Variants in UHRF1 observed in about 807,000 individuals in gnomAD.
UHRF1 encodes the protein E3 ubiquitin-protein ligase UHRF1.
A neutral mutation model predicts 96.5 loss-of-function variants in UHRF1; 9 were observed. The observed-to-expected ratio is 0.09, with a 90% CI of 0.06 to 0.16. The LOEUF is 0.16. UHRF1 is among the 10% of genes least tolerant of loss of function. UHRF1 has a pLI of 1.00. For missense variants in UHRF1, 626 were observed against 1,131.1 expected, an observed-to-expected ratio of 0.55 and a Z score of 6.40; for synonymous variants, 455 against 469.9, an observed-to-expected ratio of 0.97 and a Z score of 0.41.
intron 2 of UHRF1, among the ~76,000 whole-genome samples, chr19:4,915,355 CG>C (rs2032453257): frequency 6.6e-6 from 1 of 152,146 alleles, no homozygotes; most frequent in Non-Finnish European, 1.5e-5. Context: ...GTTGTGGCCC[CG>C]AAGCAGCTGT....
At chr19:4,959,287 G>A (rs1039098871) in intron 16 of UHRF1, among the ~76,000 whole-genome samples, 14 of 151,102 alleles carry the variant, frequency 9.3e-5, no homozygotes, top group African/African-American at 3.4e-4. Flanking sequence ...CCAAGATCAC[G>A]CCACTGCACT....
intron 2 of UHRF1, among the ~76,000 whole-genome samples, chr19:4,924,834 T>TTGTTTTTTTG (rs1271349714): frequency 1.3e-5 from 2 of 150,976 alleles, no homozygotes; most frequent in African/African-American, 4.9e-5. Context: ...AAGTTTTTTT[T>TTGTTTTTTTG]TTTTTTTTTT....
chr19:4,940,603 T>G (rs1429068950), intron 5 of UHRF1, among the ~76,000 whole-genome samples: 1 of 151,632 alleles, frequency 6.6e-6, no homozygotes, highest in Non-Finnish European at 1.5e-5. Flanking sequence ...CTGACCCTCG[T>G]GATCCACCCA....
At chr19:4,931,065 G>GC (rs1037048241) in intron 4 of UHRF1, among the ~76,000 whole-genome samples, 189 bp downstream of exon 4, 1 of 152,172 alleles carries the variant, frequency 6.6e-6, no homozygotes, top group South Asian at 2.1e-4. Flanking sequence ...GAAGCCGGCT[G>GC]CCCCCTCCTG....
Position 4,950,504 on chromosome 19 carries a change from A to C in UHRF1, c.1518-107A>C, listed in dbSNP as rs553731990. 1.1e-3 allele frequency: 1,384 copies of C among 1,266,502 alleles called. 2 individuals carry two copies. Among genetic ancestry groups the C allele is most frequent in the Non-Finnish European group, 1.2e-3 (1,130 of 930,494 alleles). 78.5% of individuals were successfully genotyped at this position (1,266,502 alleles called of 1,614,324 possible). Reference sequence around the variant, plus strand: ...GGCGATCTGCCTACTTCAGCCTCCCAAAGTGCTGGGATTACAGGCCTGAGC... The same window carrying C: ...GGCGATCTGCCTACTTCAGCCTCCCCAAGTGCTGGGATTACAGGCCTGAGC... On this transcript the variant is annotated intron_variant, in intron 11 of 16. Transcript: ENST00000650932.
intron 16 of UHRF1, among the ~76,000 whole-genome samples, chr19:4,958,131 G>C (rs540014498): frequency 6.6e-5 from 10 of 152,136 alleles, no homozygotes; most frequent in African/African-American, 2.2e-4. Flanking sequence ...CTGCCTCCTC[G>C]GGCCCCACCT....
At chr19:4,928,543 C>T (rs755388910) in intron 2 of UHRF1, among the ~76,000 whole-genome samples, 1 of 152,180 alleles carries the variant, frequency 6.6e-6, no homozygotes, top group African/African-American at 2.4e-5. Context: ...AGGATAAAAG[C>T]GCACAAAGGG....
At chr19:4,928,094 G>A (rs565400280) in intron 2 of UHRF1, among the ~76,000 whole-genome samples, 1 of 152,060 alleles carries the variant, frequency 6.6e-6, no homozygotes, top group South Asian at 2.1e-4. Context: ...CTCACCCAGG[G>A]TGACTTCACA....
intron 2 of UHRF1, among the ~76,000 whole-genome samples, chr19:4,918,728 T>TA: frequency 6.7e-6 from 1 of 148,628 alleles, no homozygotes; most frequent in East Asian, 2.0e-4. Context: ...TTTTTTTTTT[T>TA]TTTTTTTTTT....
intron 5 of UHRF1, among the ~76,000 whole-genome samples, chr19:4,938,068 C>T (rs555568104): frequency 1.3e-5 from 2 of 151,520 alleles, no homozygotes; most frequent in African/African-American, 2.4e-5. Context: ...GCAGGAGAAT[C>T]GTTTGAACCT....
rs71170880 is a variant in UHRF1, at chr19:4,938,730, G to GTTTTTTTTTTT, written c.786-2777_786-2767dup. ...GGCATAAGAGTTTTGTTTTGGTCAG[G>GTTTTTTTTTTT]TTTTTTTTTTTTTTTTTTTTTTTTT... On this transcript the variant is annotated intron_variant, in intron 5 of 16. Transcript: ENST00000650932. Among the ~76,000 whole-genome samples the GTTTTTTTTTTT allele has an allele frequency of 3.4e-3, 207 of 61,584 alleles. 23 individuals are homozygous for GTTTTTTTTTTT. The highest frequency in any genetic ancestry group is 4.2e-3 in the Non-Finnish European group (143 of 34,020). 40.4% of individuals were successfully genotyped at this position (61,584 alleles called of 152,430 possible). A position where few individuals can be genotyped will look rare whatever the true frequency, so the allele number is the denominator to read the frequency against.
intron 5 of UHRF1, among the ~76,000 whole-genome samples, chr19:4,940,292 G>T (rs2033351358): frequency 6.6e-6 from 1 of 151,300 alleles, no homozygotes; most frequent in African/African-American, 2.4e-5. Flanking sequence ...GATCTCGGGG[G>T]ATCAGTTTCA....
intron 11 of UHRF1, among the ~76,000 whole-genome samples, chr19:4,949,265 G>A (rs1218402084): frequency 6.6e-6 from 1 of 152,168 alleles, no homozygotes; most frequent in Non-Finnish European, 1.5e-5. Context: ...TAGGTCAGGG[G>A]TAAAATAGCA....
intron 2 of UHRF1, among the ~76,000 whole-genome samples, chr19:4,916,695 C>T (rs1265091790): frequency 1.3e-5 from 2 of 152,242 alleles, no homozygotes; most frequent in Non-Finnish European, 2.9e-5. Context: ...GATCCTCCTG[C>T]ATCCGTTTTT....
rs1010844372 is a variant in UHRF1 at position 4,909,635 on chromosome 19, C to T, written c.-31C>T. The T allele has an allele frequency of 6.9e-6, 4 of 581,156 alleles. No individual in the cohort carries two copies. The highest frequency in any genetic ancestry group is 6.8e-5 in the Admixed American group (2 of 29,430). The allele number at this position is 581,156 out of a possible 1,614,324, so 36.0% of individuals were successfully genotyped here. A position where few individuals can be genotyped will look rare whatever the true frequency, so the allele number is the denominator to read the frequency against. On this transcript the variant is annotated 5_prime_UTR_variant, in exon 1 of 17. Coordinates refer to ENST00000650932, the MANE Select transcript of UHRF1 (RefSeq NM_001048201.3). The stretch of plus-strand genomic sequence containing the variant: ...CGGGCCACGCGCGCAGGCAGACAAG[C>T]TGTTCGCGGCGACCGGAGAGGTGAG...
At chr19:4,909,317 G>A, upstream of UHRF1, 2 of 556,172 alleles carry the variant, frequency 3.6e-6, no homozygotes, top group South Asian at 2.1e-5. Context: ...AGCAGAGCGC[G>A]CAGGGCTGGG....
chr19:4,959,918 T>C (rs1479636056), intron 16 of UHRF1, among the ~76,000 whole-genome samples: 2 of 152,220 alleles, frequency 1.3e-5, no homozygotes, highest in Non-Finnish European at 2.9e-5. Flanking sequence ...TGGAGTGCAA[T>C]GGCGTGATCT....
intron 5 of UHRF1, among the ~76,000 whole-genome samples, chr19:4,939,672 GC>G (rs775978647): frequency 6.6e-6 from 1 of 152,136 alleles, no homozygotes; most frequent in Non-Finnish European, 1.5e-5. Context: ...ATAGCCAAGA[GC>G]CACCTGTGCT....
At chr19:4,952,805 G>A (rs1469454363) in intron 13 of UHRF1, among the ~76,000 whole-genome samples, 5 of 152,026 alleles carry the variant, frequency 3.3e-5, no homozygotes, top group African/African-American at 7.3e-5. Flanking sequence ...GAAATGGAGC[G>A]ATGATGCCCT....
Sources: gnomAD v4.1 joint callset for allele counts (sites outside exome capture counted in the v4.1 genomes callset) on GRCh38, gnomAD v4.1.1 for gene constraint, MANE v1.5 for transcripts, NCBI Gene and HGNC (gene_info 2026-07-23, HGNC 2026-07-21) for gene names.